The following CELSR3 variants were observed in gnomAD, a reference collection of about 807,000 sequenced individuals.
The protein encoded by CELSR3 is EGF-like protein 1.
In CELSR3, 73 loss-of-function variants were observed where a neutral mutation model predicts 270.0. The observed-to-expected ratio is 0.27, with a 90% CI of 0.22 to 0.33. The LOEUF is 0.33. Ranked by LOEUF, CELSR3 falls within the 10% of genes least tolerant of loss-of-function variation. The pLI is 1.00. For synonymous variants in CELSR3, 1,780 were observed against 1,905.4 expected (o/e 0.93, Z 1.71); for missense variants, 3,614 against 4,533.8 (o/e 0.80, Z 5.83).
In CELSR3 at chr3:48,642,647, AC is replaced by A. The variant is rs2047038259; in HGVS notation, c.8555+88del. The A allele has an allele frequency of 6.5e-7, 1 of 1,528,250 alleles. No homozygotes were observed. Among genetic ancestry groups the A allele is most frequent in the Non-Finnish European group, 8.8e-7 (1 of 1,139,502 alleles). 94.7% of individuals were successfully genotyped at this position (1,528,250 alleles called of 1,614,324 possible). On this transcript the variant is annotated intron_variant, in intron 30 of 34. Coordinates refer to ENST00000164024, the MANE Select transcript of CELSR3 (RefSeq NM_001407.3). The surrounding 1 kb of genome is among the most constrained non-coding windows in gnomAD (Gnocchi z 6.1). ...CCAGATGGCCAAGATGGGTGGAGCC[AC>A]CCGCCCTAGGACCTGGTCAGCCAAG...
Position 48,651,091 on chromosome 3 carries a change from C to A in CELSR3, c.6187-16G>T, listed in dbSNP as rs748143720. 6.5e-7 allele frequency: 1 copy of A among 1,547,214 alleles called. No homozygotes were observed. The highest frequency in any genetic ancestry group is 8.7e-7 in the Non-Finnish European group (1 of 1,147,536). On this transcript the variant is annotated splice_polypyrimidine_tract_variant and intron_variant, in intron 14 of 34. Coordinates refer to ENST00000164024, the MANE Select transcript of CELSR3 (RefSeq NM_001407.3). This position sits in a 1 kb window ranked among gnomAD's most constrained non-coding sequence, Gnocchi z 7.4. Reference sequence around the variant, plus strand: ...AGTGGAACTCCTGTTTGAGGATGGGCCAGGGGCCTGAAGTCAGAGGTCAGG... The same window carrying A: ...AGTGGAACTCCTGTTTGAGGATGGGACAGGGGCCTGAAGTCAGAGGTCAGG...
rs1292954429 is a variant in CELSR3, at chr3:48,640,437, T to G, written c.9148A>C (p.Ile3050Leu). The G allele has an allele frequency of 1.9e-6, 3 of 1,612,642 alleles. No homozygotes were observed. Residue 3050 changes from isoleucine to leucine, a missense_variant, in exon 34 of 35, where the codon ATC becomes CTC. By Grantham distance (5) the Ile-to-Leu change is conservative (BLOSUM62 2). Around this residue, in one of 7 missense-constraint regions of CELSR3, gnomAD observed 1,240 missense variants for 1,351.7 expected, o/e 0.92. Coordinates refer to ENST00000164024, the MANE Select transcript of CELSR3 (RefSeq NM_001407.3). This position sits in a 1 kb window ranked among gnomAD's most constrained non-coding sequence, Gnocchi z 7.5. ...RAVPAASYGR[I>L]YAGGGTGSLS... Reference sequence around the variant, plus strand: ...CTGCCCGTGCCCCCGCCAGCATAGATGCGACCGTAAGAGGCAGCTGGCACA... The same window carrying G: ...CTGCCCGTGCCCCCGCCAGCATAGAGGCGACCGTAAGAGGCAGCTGGCACA...
At position 48,639,982 on chromosome 3, in the gene CELSR3, C is replaced by T. The variant is rs1267222181; in HGVS notation, c.9603G>A (p.Arg3201=). 1 of 1,612,682 alleles carries T rather than the reference C, an allele frequency of 6.2e-7. No homozygotes were observed. The highest frequency in any genetic ancestry group is 1.7e-5 in the Admixed American group (1 of 60,014). Residue 3201 remains arginine (R), a synonymous_variant, in exon 34 of 35, where the codon CGG becomes CGA. Coordinates refer to ENST00000164024, the MANE Select transcript of CELSR3 (RefSeq NM_001407.3). The surrounding 1 kb of genome is among the most constrained non-coding windows in gnomAD (Gnocchi z 4.1). The stretch of plus-strand genomic sequence containing the variant: ...GGCTAGGCACCTGGTCCAGCTGCTC[C>T]CGAGAGTTCGAGCTCCTAGACAGAG... ...LDSLSRSSNS[R]EQLDQVPSRH...
At position 48,659,160 on chromosome 3, in the gene CELSR3, G is replaced by A. The variant is rs762051863; in HGVS notation, c.3475C>T (p.Leu1159=). The A allele has an allele frequency of 6.2e-7, 1 of 1,614,216 alleles. No individual in the cohort carries two copies. The highest frequency in any genetic ancestry group is 8.5e-7 in the Non-Finnish European group (1 of 1,180,046). The change falls in exon 1 of 35, where the codon CTG becomes TTG. Residue 1159 remains leucine, a synonymous_variant. Transcript: ENST00000164024. The surrounding 1 kb of genome is among the most constrained non-coding windows in gnomAD (Gnocchi z 8.1). ...GGGCTGTTGTCATTCTGGTCAACCA[G>A]GCGGACGTGCACAGTGGCCCGGCTG... ...LVSRATVHVR[L]VDQNDNSPVL... is the part of the protein sequence containing the mutation.
Position 48,642,028 on chromosome 3 carries a change from G to A in CELSR3, c.8666-19C>T. On this transcript the variant is annotated intron_variant, in intron 31 of 34. Coordinates refer to ENST00000164024, the MANE Select transcript of CELSR3 (RefSeq NM_001407.3). The surrounding 1 kb of genome is among the most constrained non-coding windows in gnomAD (Gnocchi z 6.1). Reference sequence around the variant, plus strand: ...TCTGCGCCTGGAGTTGGGAAAGTCAGAAGTACTTTCAGAGGTAAGGGACTT... The same window carrying A: ...TCTGCGCCTGGAGTTGGGAAAGTCAAAAGTACTTTCAGAGGTAAGGGACTT... 6.6e-7 allele frequency: 1 copy of A among 1,516,386 alleles called. No homozygotes were observed. The highest frequency in any genetic ancestry group is 8.8e-7 in the Non-Finnish European group (1 of 1,133,308). 93.9% of individuals were successfully genotyped at this position (1,516,386 alleles called of 1,614,324 possible). A position where few individuals can be genotyped will look rare whatever the true frequency, so the allele number is the denominator to read the frequency against.
rs2047167053 is a variant in CELSR3, at chr3:48,654,887, G to A, written c.4988+157C>T. Among the ~76,000 whole-genome samples the A allele has an allele frequency of 6.6e-6, 1 of 151,802 alleles. No individual in the cohort carries two copies. The highest frequency in any genetic ancestry group is 1.5e-5 in the Non-Finnish European group (1 of 67,974). ...GGAATACAGGATTGGGGGCTAGGGT[G>A]AGTAGGCTTTCAGGGTCTTTGAGAG... is the stretch of plus-strand genomic sequence containing the variant. On this transcript the variant is annotated intron_variant, in intron 6 of 34. Coordinates refer to ENST00000164024, the MANE Select transcript of CELSR3 (RefSeq NM_001407.3). This position sits in a 1 kb window ranked among gnomAD's most constrained non-coding sequence, Gnocchi z 5.4.
intron 2 of CELSR3, 137 bp from the exon 3 acceptor site, chr3:48,656,502 T>C: frequency 8.9e-7 from 1 of 1,123,650 alleles, no homozygotes; most frequent in East Asian, 2.9e-5. Flanking sequence ...GCCCCTTCCG[T>C]CTGGCCCCGC....
At position 48,653,118 on chromosome 3, in the gene CELSR3, G is replaced by T; in HGVS notation, c.5518C>A (p.Gln1840Lys). 1.2e-6 allele frequency: 2 copies of T among 1,613,346 alleles called. No homozygotes were observed. Among genetic ancestry groups the T allele is most frequent in the Non-Finnish European group, 1.7e-6 (2 of 1,179,996 alleles). The change falls in exon 10 of 35, where the codon CAG becomes AAG. Residue 1840 changes from glutamine to lysine, a missense_variant. Transcript: ENST00000164024. This position sits in a 1 kb window ranked among gnomAD's most constrained non-coding sequence, Gnocchi z 6.5. ...SGRASHLLLDQVTVSDGRWHD... is the reference protein window; with the variant it reads ...SGRASHLLLDKVTVSDGRWHD... ...CACCGGCCATCACTGACAGTCACCT[G>T]GTCCAGAAGGAGATGGGAAGCACGG...
Position 48,652,144 on chromosome 3 carries a change from T to G in CELSR3, c.5752-96A>C. On this transcript the variant is annotated intron_variant, in intron 11 of 34. Coordinates refer to ENST00000164024, the MANE Select transcript of CELSR3 (RefSeq NM_001407.3). The surrounding 1 kb of genome is among the most constrained non-coding windows in gnomAD (Gnocchi z 4.3). ...CCACCCGGTCTGATGATCCTTGACA[T>G]GCAGTCTTCTGATACCCTCAAAAAA... 1 of 1,241,016 alleles carries G rather than the reference T, an allele frequency of 8.1e-7. No homozygotes were observed. Among genetic ancestry groups the G allele is most frequent in the Admixed American group, 3.1e-5 (1 of 32,666 alleles). The allele number at this position is 1,241,016 out of a possible 1,614,324, so 76.9% of individuals were successfully genotyped here. A position where few individuals can be genotyped will look rare whatever the true frequency, so the allele number is the denominator to read the frequency against.
rs769672815 is a variant in CELSR3 at position 48,660,377 on chromosome 3, C to G, written c.2258G>C (p.Arg753Pro). Residue 753 changes from arginine to proline, a missense_variant, in exon 1 of 35, where the codon CGG (arginine) becomes CCG (proline). Transcript: ENST00000164024. The surrounding 1 kb of genome is among the most constrained non-coding windows in gnomAD (Gnocchi z 5.5). Reference sequence around the variant, plus strand: ...GTACTCCTTCATTGTGAACTCAGGCCGATTGTCATTAACGTCCAGCACAGT... The same window carrying G: ...GTACTCCTTCATTGTGAACTCAGGCGGATTGTCATTAACGTCCAGCACAGT... ...TVTVLDVNDN[R>P]PEFTMKEYHL... 6 of 1,614,066 alleles carry G rather than the reference C, an allele frequency of 3.7e-6. No homozygotes were observed. Among genetic ancestry groups the G allele is most frequent in the South Asian group, 3.3e-5 (3 of 91,074 alleles).
chr3:48,643,506 A>G lies in CELSR3; in HGVS notation c.8289+48T>C, dbSNP rs542916172. 27 of 1,538,944 alleles carry G rather than the reference A, an allele frequency of 1.8e-5. 2 individuals are homozygous for G. The South Asian group carries it at 3.2e-4, about 19-fold the overall frequency. ...GTCTGCCTAGGGATGGCCCCAGCCTACTGAAGGCCCACCTGGTTCTGGGGC... is the reference window on the plus strand; with the variant it reads ...GTCTGCCTAGGGATGGCCCCAGCCTGCTGAAGGCCCACCTGGTTCTGGGGC... On this transcript the variant is annotated intron_variant, in intron 28 of 34. Coordinates refer to ENST00000164024, the MANE Select transcript of CELSR3 (RefSeq NM_001407.3).
At position 48,646,747 on chromosome 3, in the gene CELSR3, T is replaced by C. The variant is rs1475103293; in HGVS notation, c.7295+16A>G. Reference sequence around the variant, plus strand: ...GAGAAGTTCGTAGGAAGCTCAGGGGTGAGGGGCCTGAGTACCTGGCACCTC... The same window carrying C: ...GAGAAGTTCGTAGGAAGCTCAGGGGCGAGGGGCCTGAGTACCTGGCACCTC... On this transcript the variant is annotated intron_variant, in intron 21 of 34. Transcript: ENST00000164024. The surrounding 1 kb of genome is among the most constrained non-coding windows in gnomAD (Gnocchi z 4.8). 1.9e-6 allele frequency: 3 copies of C among 1,603,960 alleles called. No individual in the cohort carries two copies. In the South Asian group the frequency reaches 3.3e-5, roughly 18 times the overall value.
intron 34 of CELSR3, among the ~76,000 whole-genome samples, chr3:48,638,650 T>C (rs1338381520): frequency 6.6e-6 from 1 of 152,088 alleles, no homozygotes; most frequent in African/African-American, 2.4e-5. Context: ...AACTCAAACC[T>C]GTGCGACTCC....
Position 48,644,955 on chromosome 3 carries a change from T to TG in CELSR3, c.7972+79dup. On this transcript the variant is annotated intron_variant, in intron 25 of 34. Coordinates refer to ENST00000164024, the MANE Select transcript of CELSR3 (RefSeq NM_001407.3). The surrounding 1 kb of genome is among the most constrained non-coding windows in gnomAD (Gnocchi z 4.8). Reference sequence around the variant, plus strand: ...GAATAGATGGCTTGGGGTTTGAGGTTGGGGGTCATGAGCAGGAGTGGGGAC... The same window carrying TG: ...GAATAGATGGCTTGGGGTTTGAGGTTGGGGGGTCATGAGCAGGAGTGGGGAC... 1.3e-6 allele frequency: 2 copies of TG among 1,535,552 alleles called. No individual in the cohort carries two copies. Among genetic ancestry groups the TG allele is most frequent in the Non-Finnish European group, 1.8e-6 (2 of 1,126,962 alleles).
In CELSR3 at chr3:48,660,932, G is replaced by A; in HGVS notation, c.1703C>T (p.Thr568Met). Residue 568 changes from threonine to methionine, a missense_variant, in exon 1 of 35, where the codon ACG becomes ATG. Physicochemically the swap from Thr to Met is moderately conservative, Grantham distance 81. Around this residue, in one of 7 missense-constraint regions of CELSR3, gnomAD observed 354 missense variants for 500.9 expected, o/e 0.71. Transcript: ENST00000164024. The surrounding 1 kb of genome is among the most constrained non-coding windows in gnomAD (Gnocchi z 5.5). ...GGCGTCCTTGTCCCGGTCAGTGGCC[G>A]TGACGCGCAGCACGACTGTGTGGGG... Reference protein sequence around the residue: ...VRPHTVVLRVTATDRDKDANG... With the variant: ...VRPHTVVLRVMATDRDKDANG... The A allele has an allele frequency of 6.2e-7, 1 of 1,613,902 alleles. No homozygotes were observed. Among genetic ancestry groups the A allele is most frequent in the Non-Finnish European group, 8.5e-7 (1 of 1,180,038 alleles).
In CELSR3 at chr3:48,646,639, A is replaced by C. The variant is rs543665613; in HGVS notation, c.7295+124T>G. On this transcript the variant is annotated intron_variant, in intron 21 of 34. Transcript: ENST00000164024. This position sits in a 1 kb window ranked among gnomAD's most constrained non-coding sequence, Gnocchi z 4.8. ...AATAAGATTCACACAGAACCCGGCA[A>C]GGATGGGGCTCCCTGGAGCTGTGCT... is the stretch of plus-strand genomic sequence containing the variant. 6 of 1,011,304 alleles carry C rather than the reference A, an allele frequency of 5.9e-6. No homozygotes were observed. The South Asian group carries it at 6.6e-5, about 11-fold the overall frequency. 62.6% of individuals were successfully genotyped at this position (1,011,304 alleles called of 1,614,324 possible). A position where few individuals can be genotyped will look rare whatever the true frequency, so the allele number is the denominator to read the frequency against.
Position 48,651,106 on chromosome 3 carries a change from C to A in CELSR3, c.6187-31G>T. ...TGAGGATGGGCCAGGGGCCTGAAGT[C>A]AGAGGTCAGGGCTTGGGGAATGAGT... On this transcript the variant is annotated intron_variant, in intron 14 of 34. Coordinates refer to ENST00000164024, the MANE Select transcript of CELSR3 (RefSeq NM_001407.3). The surrounding 1 kb of genome is among the most constrained non-coding windows in gnomAD (Gnocchi z 7.4). The A allele has an allele frequency of 1.3e-6, 2 of 1,537,142 alleles. No individual in the cohort carries two copies. The highest frequency in any genetic ancestry group is 2.6e-5 in the South Asian group (2 of 78,400).
Position 48,644,387 on chromosome 3 carries a change from G to A in CELSR3, c.8086-92C>T, listed in dbSNP as rs1363762060. 17 of 1,216,052 alleles carry A rather than the reference G, an allele frequency of 1.4e-5. No individual in the cohort carries two copies. The highest frequency in any genetic ancestry group is 4.5e-5 in the African/African-American group (3 of 67,172). The allele number at this position is 1,216,052 out of a possible 1,614,324, so 75.3% of individuals were successfully genotyped here. ...GAGACAGAGAGAGACTAAGATTCACGGAGAGAGGCAGAACCAGTGAGAAAT... is the reference window on the plus strand; with the variant it reads ...GAGACAGAGAGAGACTAAGATTCACAGAGAGAGGCAGAACCAGTGAGAAAT... On this transcript the variant is annotated intron_variant, in intron 26 of 34. Coordinates refer to ENST00000164024, the MANE Select transcript of CELSR3 (RefSeq NM_001407.3). This position sits in a 1 kb window ranked among gnomAD's most constrained non-coding sequence, Gnocchi z 4.8.
At position 48,652,973 on chromosome 3, in the gene CELSR3, A is replaced by T. The variant is rs768218647; in HGVS notation, c.5634+29T>A. On this transcript the variant is annotated intron_variant, in intron 10 of 34. Coordinates refer to ENST00000164024, the MANE Select transcript of CELSR3 (RefSeq NM_001407.3). This position sits in a 1 kb window ranked among gnomAD's most constrained non-coding sequence, Gnocchi z 4.3. The stretch of plus-strand genomic sequence containing the variant: ...GGCGGATCTGGTTGGAAGGCTGAGA[A>T]CAGACTACCCCGGGGTCAGAGGCCA... The T allele has an allele frequency of 2.1e-5, 33 of 1,601,584 alleles. No homozygotes were observed. The East Asian group carries it at 7.4e-4, about 36-fold the overall frequency.
Sources: allele counts gnomAD v4.1 joint callset (sites outside exome capture counted in the v4.1 genomes callset), GRCh38; gene constraint gnomAD v4.1.1; regional missense constraint gnomAD v4.1.1; non-coding constraint Gnocchi (gnomAD v3.1); transcripts MANE v1.5; gene names NCBI Gene and HGNC (gene_info 2026-07-23, HGNC 2026-07-21).